Variants in SEC63 observed in about 807,000 individuals in gnomAD.
SEC63 encodes the protein translocation protein SEC63 homolog.
A neutral mutation model predicts 116.2 loss-of-function variants in SEC63; 56 were observed. The observed-to-expected ratio is 0.48, with a 90% CI of 0.39 to 0.60. The LOEUF is 0.60. Among genes scored for constraint, SEC63 ranks in the 20% least tolerant of loss-of-function variants. SEC63 has a pLI of 0.00. For missense variants in SEC63, 668 were observed against 900.0 expected, an observed-to-expected ratio of 0.74 and a Z score of 3.30; for synonymous variants, 273 against 294.6, an observed-to-expected ratio of 0.93 and a Z score of 0.75.
chr6:107,934,412 G>A (rs569294317), intron 1 of SEC63, among the ~76,000 whole-genome samples: 13 of 149,638 alleles, frequency 8.7e-5, no homozygotes, highest in African/African-American at 2.2e-4. Flanking sequence ...TGTGCCCCGC[G>A]GCCCCGTCTG....
chr6:107,945,735 G>C (rs1006505859), intron 1 of SEC63, among the ~76,000 whole-genome samples: 6 of 152,088 alleles, frequency 3.9e-5, no homozygotes, highest in African/African-American at 1.4e-4. Flanking sequence ...GGAAGTCTAA[G>C]CAATTTATGA....
At position 107,958,108 on chromosome 6, in the gene SEC63, C is replaced by T; in HGVS notation, c.-99G>A. 1 of 1,560,150 alleles carries T rather than the reference C, an allele frequency of 6.4e-7. No homozygotes were observed. Among genetic ancestry groups the T allele is most frequent in the Non-Finnish European group, 8.7e-7 (1 of 1,146,644 alleles). On this transcript the variant is annotated 5_prime_UTR_variant, in exon 1 of 21. Coordinates refer to ENST00000369002, the MANE Select transcript of SEC63 (RefSeq NM_007214.5). ...CCCGGCCCGAGTGGCGTAGCTTGGA[C>T]ACTGCCGCCGCCGCCTCTCCTCCCC...
chr6:107,943,680 G>C (rs1413747646), intron 1 of SEC63, among the ~76,000 whole-genome samples: 1 of 152,194 alleles, frequency 6.6e-6, no homozygotes, highest in African/African-American at 2.4e-5. Flanking sequence ...GAGGGAAGAG[G>C]TAATGTGACT....
intron 4 of SEC63, among the ~76,000 whole-genome samples, chr6:107,913,912 CT>C (rs1241465811): frequency 1.3e-5 from 2 of 152,164 alleles, no homozygotes; most frequent in African/African-American, 4.8e-5. Flanking sequence ...GCACCACATT[CT>C]GAAAGAAACA....
intron 18 of SEC63, 59 bp downstream of exon 18, chr6:107,881,090 C>CAAAT: frequency 8.0e-7 from 1 of 1,255,134 alleles, no homozygotes. Flanking sequence ...AGTCAACTGA[C>CAAAT]AAATCCCTGA....
chr6:107,896,490 A>G (rs1786834135), intron 14 of SEC63, among the ~76,000 whole-genome samples: 1 of 152,164 alleles, frequency 6.6e-6, no homozygotes, highest in African/African-American at 2.4e-5. Flanking sequence ...TGAAGGAAAT[A>G]TATGCAAAAT....
At chr6:107,927,626 G>C (rs1787704694) in intron 2 of SEC63, among the ~76,000 whole-genome samples, 1 of 151,802 alleles carries the variant, frequency 6.6e-6, no homozygotes, top group East Asian at 1.9e-4. Flanking sequence ...TTTTTTCCTT[G>C]AAAACAGGTT....
chr6:107,893,168 T>G (rs1232179034), intron 16 of SEC63, among the ~76,000 whole-genome samples: 1 of 148,304 alleles, frequency 6.7e-6, no homozygotes, highest in Non-Finnish European at 1.5e-5. Flanking sequence ...AATGAACTAC[T>G]GCTACAAACA....
At chr6:107,872,974 A>C in intron 19 of SEC63, 62 bp from the exon 20 acceptor site, 1 of 1,046,876 alleles carries the variant, frequency 9.6e-7, no homozygotes, top group Non-Finnish European at 1.5e-6. Context: ...TCACTCCCTA[A>C]AATTCCTAGA....
intron 1 of SEC63, among the ~76,000 whole-genome samples, chr6:107,944,334 T>C (rs1392731751): frequency 6.6e-6 from 1 of 152,148 alleles, no homozygotes; most frequent in Non-Finnish European, 1.5e-5. Context: ...CATAGAAAGA[T>C]CTCTATTAGA....
chr6:107,906,845 C>T (rs1295856309), intron 8 of SEC63, 68 bp from the exon 9 acceptor site: 6 of 1,175,318 alleles, frequency 5.1e-6, no homozygotes, highest in Non-Finnish European at 6.4e-6. Flanking sequence ...TCCTGAGATA[C>T]TTAATTCACT....
intron 1 of SEC63, among the ~76,000 whole-genome samples, chr6:107,939,032 C>T: frequency 6.6e-6 from 1 of 152,144 alleles, no homozygotes; most frequent in East Asian, 1.9e-4. Context: ...CCTTTAATCT[C>T]AGCACTTTAG....
At chr6:107,923,889 T>C (rs1173518163) in intron 3 of SEC63, among the ~76,000 whole-genome samples, 1 of 151,730 alleles carries the variant, frequency 6.6e-6, no homozygotes, top group Non-Finnish European at 1.5e-5. Flanking sequence ...TACAAGGTCA[T>C]AAGATTTTTA....
At chr6:107,943,410 A>G (rs1770417667) in intron 1 of SEC63, among the ~76,000 whole-genome samples, 1 of 152,224 alleles carries the variant, frequency 6.6e-6, no homozygotes, top group South Asian at 2.1e-4. Context: ...TGCATTTATA[A>G]CATACCTTTT....
At chr6:107,908,476 G>C (rs1787201020) in intron 8 of SEC63, among the ~76,000 whole-genome samples, 1 of 152,100 alleles carries the variant, frequency 6.6e-6, no homozygotes, top group African/African-American at 2.4e-5. Flanking sequence ...GAACCAGACT[G>C]CCTGGGTTCA....
intron 1 of SEC63, 59 bp from the exon 2 acceptor site, chr6:107,929,573 C>A: frequency 2.0e-6 from 2 of 975,964 alleles, no homozygotes; most frequent in Non-Finnish European, 3.3e-6. Flanking sequence ...GAAGGTAAAA[C>A]CAGCTAACTG....
intron 4 of SEC63, among the ~76,000 whole-genome samples, chr6:107,916,156 A>G (rs1206359996): frequency 1.3e-5 from 2 of 152,186 alleles, no homozygotes; most frequent in African/African-American, 2.4e-5. Context: ...TAAAATAAAA[A>G]CTACTAATTA....
At chr6:107,881,003 T>G in intron 18 of SEC63, 146 bp downstream of exon 18, 1 of 663,458 alleles carries the variant, frequency 1.5e-6, no homozygotes, top group Admixed American at 2.4e-5. Context: ...ATTGTAATAT[T>G]CCCTTTTAAA....
At chr6:107,880,047 T>C (rs1035487193) in intron 18 of SEC63, among the ~76,000 whole-genome samples, 1 of 152,190 alleles carries the variant, frequency 6.6e-6, no homozygotes, top group African/African-American at 2.4e-5. Flanking sequence ...ACTTGCTTCA[T>C]TTCAGGATGC....
Sources: allele counts gnomAD v4.1 joint callset (sites outside exome capture counted in the v4.1 genomes callset), GRCh38; gene constraint gnomAD v4.1.1; transcripts MANE v1.5; gene names NCBI Gene and HGNC (gene_info 2026-07-23, HGNC 2026-07-21).